The following CD86 variants were observed in gnomAD, a reference collection of about 807,000 sequenced individuals.
CD86 encodes the protein T-lymphocyte activation antigen CD86.
A neutral mutation model predicts 32.1 loss-of-function variants in CD86; 11 were observed. The ratio of observed to expected loss-of-function variants is 0.34; its 90% CI spans 0.22 to 0.57. CD86 has a LOEUF of 0.57. CD86 is among the 20% of genes least tolerant of loss of function. CD86 has a pLI of 0.86. For missense variants in CD86, 359 were observed against 398.4 expected (o/e 0.90, Z 0.84); for synonymous variants, 137 against 135.3 (o/e 1.01, Z -0.09).
intron 1 of CD86, among the ~76,000 whole-genome samples, chr3:122,059,189 AG>A (rs1228157133): frequency 1.3e-5 from 2 of 152,270 alleles, no homozygotes; most frequent in East Asian, 3.9e-4. Context: ...ATGCACATGA[AG>A]AGTCTTCTGC....
At chr3:122,076,868 A>C (rs1044638187) in intron 1 of CD86, among the ~76,000 whole-genome samples, 2 of 152,204 alleles carry the variant, frequency 1.3e-5, no homozygotes, top group African/African-American at 4.8e-5. Context: ...ACTGACATTC[A>C]AACATGTTCA....
At position 122,076,019 on chromosome 3, in the gene CD86, A is replaced by G. The variant is rs1576763624; in HGVS notation, c.15-15582A>G. ...TTAAATAACTGCCCCAAGAACACAC[A>G]GGCATTAAGTAGTGGAGCAGGGTTT... On this transcript the variant is annotated intron_variant, in intron 1 of 6. Transcript: ENST00000330540. Among the ~76,000 whole-genome samples, 3 of 152,300 alleles carry G rather than the reference A, an allele frequency of 2.0e-5. No individual in the cohort carries two copies. The East Asian group carries it at 5.8e-4, about 29-fold the overall frequency.
chr3:122,062,106 A>AC (rs1436829886), intron 1 of CD86, among the ~76,000 whole-genome samples: 2 of 151,972 alleles, frequency 1.3e-5, no homozygotes, highest in African/African-American at 4.8e-5. Flanking sequence ...AAAAACAAAA[A>AC]CTAAAAATGT....
Position 122,113,526 on chromosome 3 carries a change from G to T in CD86, c.847+4118G>T, listed in dbSNP as rs532901755. Among the ~76,000 whole-genome samples, 29 of 152,100 alleles carry T rather than the reference G, an allele frequency of 1.9e-4. 1 individual carries two copies. The South Asian group carries it at 5.2e-3, about 27-fold the overall frequency. Reference sequence around the variant, plus strand: ...TCCATGCCAACATCTATTATTTTTTGATTTTTTAATAATGGCCATTCTTGC... The same window carrying T: ...TCCATGCCAACATCTATTATTTTTTTATTTTTTAATAATGGCCATTCTTGC... On this transcript the variant is annotated intron_variant, in intron 5 of 6. Transcript: ENST00000330540.
At chr3:122,118,241 T>A (rs1281095046) in intron 6 of CD86, 148 bp downstream of exon 6, 1 of 669,424 alleles carries the variant, frequency 1.5e-6, no homozygotes. Flanking sequence ...AGTTAAGAAC[T>A]GGAAGAAAAT....
chr3:122,108,856 T>A (rs1175589837), intron 4 of CD86, among the ~76,000 whole-genome samples: 1 of 152,140 alleles, frequency 6.6e-6, no homozygotes, highest in Non-Finnish European at 1.5e-5. Context: ...AGAAGAATCA[T>A]CACGAGAGGA....
chr3:122,090,910 A>C lies in CD86; in HGVS notation c.15-691A>C, dbSNP rs75625085. On this transcript the variant is annotated intron_variant, in intron 1 of 6. Coordinates refer to ENST00000330540, the MANE Select transcript of CD86 (RefSeq NM_175862.5). ...CTTATGTTGTTAAACATAAAAATTC[A>C]TGGGTTTCATCCCAACTTACTAAGC... Among the ~76,000 whole-genome samples, 22 of 152,300 alleles carry C rather than the reference A, an allele frequency of 1.4e-4. No homozygotes were observed. The East Asian group carries it at 4.2e-3, about 29-fold the overall frequency.
intron 5 of CD86, among the ~76,000 whole-genome samples, chr3:122,113,241 C>G (rs2073201540): frequency 1.3e-5 from 2 of 152,164 alleles, no homozygotes; most frequent in Admixed American, 1.3e-4. Flanking sequence ...TTTTCCTTAT[C>G]CACTCATGGG....
chr3:122,113,087 G>C (rs2073199954), intron 5 of CD86, among the ~76,000 whole-genome samples: 1 of 152,160 alleles, frequency 6.6e-6, no homozygotes. Context: ...CCACTTATCA[G>C]TGAAAACATA....
At chr3:122,105,048 T>A (rs1049903614) in intron 3 of CD86, among the ~76,000 whole-genome samples, 2 of 152,196 alleles carry the variant, frequency 1.3e-5, no homozygotes, top group Admixed American at 1.3e-4. Flanking sequence ...AAAAATAGAA[T>A]GGAGAGCTGC....
At chr3:122,104,234 T>C (rs907750871) in intron 3 of CD86, among the ~76,000 whole-genome samples, 8 of 152,156 alleles carry the variant, frequency 5.3e-5, no homozygotes, top group African/African-American at 1.9e-4. Flanking sequence ...GGGTCCAAGA[T>C]TTTTCACCTA....
chr3:122,093,311 C>T (rs569229371), intron 2 of CD86, among the ~76,000 whole-genome samples: 53 of 152,250 alleles, frequency 3.5e-4, no homozygotes, highest in African/African-American at 1.2e-3. Context: ...CATGAGCCAT[C>T]GCACATGACT....
chr3:122,117,409 T>C (rs1016375495), intron 5 of CD86, among the ~76,000 whole-genome samples: 40 of 152,260 alleles, frequency 2.6e-4, no homozygotes, highest in African/African-American at 8.9e-4. Context: ...GAGTGGATTC[T>C]TGTGGTCTAT....
At chr3:122,109,105 T>G (rs1287575535) in intron 4 of CD86, among the ~76,000 whole-genome samples, 160 bp from the exon 5 acceptor site, 2 of 152,244 alleles carry the variant, frequency 1.3e-5, no homozygotes, top group African/African-American at 4.8e-5. Context: ...GCTGAGGCCC[T>G]GAGCCTGGGA....
At chr3:122,101,822 T>G (rs2073014809) in intron 2 of CD86, among the ~76,000 whole-genome samples, 1 of 152,118 alleles carries the variant, frequency 6.6e-6, no homozygotes, top group South Asian at 2.1e-4. Flanking sequence ...GTTTGCCTTG[T>G]AAGGTGATTC....
At chr3:122,077,083 A>C (rs1319392312) in intron 1 of CD86, among the ~76,000 whole-genome samples, 2 of 152,210 alleles carry the variant, frequency 1.3e-5, no homozygotes, top group East Asian at 3.8e-4. Flanking sequence ...AGGCATGCCC[A>C]GAGGGTGCTG....
chr3:122,093,738 A>T (rs1298929956), intron 2 of CD86, among the ~76,000 whole-genome samples: 1 of 152,138 alleles, frequency 6.6e-6, no homozygotes, highest in East Asian at 1.9e-4. Flanking sequence ...GTACTGTTCT[A>T]AGTACCTCAT....
At chr3:122,109,135 G>C (rs954953734) in intron 4 of CD86, 130 bp from the exon 5 acceptor site, 13 of 900,400 alleles carry the variant, frequency 1.4e-5, no homozygotes, top group Non-Finnish European at 2.2e-5. Context: ...GCCTCCTATT[G>C]TGGATTTCAG....
chr3:122,074,203 T>C (rs2072526800), intron 1 of CD86, among the ~76,000 whole-genome samples: 1 of 152,170 alleles, frequency 6.6e-6, no homozygotes, highest in Non-Finnish European at 1.5e-5. Flanking sequence ...ACACCTGAGG[T>C]TGCTACCCCC....
Sources: gnomAD v4.1 joint callset for allele counts (sites outside exome capture counted in the v4.1 genomes callset) on GRCh38, gnomAD v4.1.1 for gene constraint, MANE v1.5 for transcripts, NCBI Gene and HGNC (gene_info 2026-07-23, HGNC 2026-07-21) for gene names.